The following JAK1 variants were observed in gnomAD, a reference collection of about 807,000 sequenced individuals.
The protein encoded by JAK1 is Janus kinase 1.
JAK1 carries 16 observed loss-of-function variants against 136.6 expected under a neutral mutation model. The ratio of observed to expected loss-of-function variants is 0.12; its 90% CI spans 0.08 to 0.18. The LOEUF (loss-of-function observed/expected upper bound fraction) is 0.18. Ranked by LOEUF, JAK1 falls within the 10% of genes least tolerant of loss-of-function variation. The pLI is 1.00. For synonymous variants in JAK1, 492 were observed against 519.5 expected, an observed-to-expected ratio of 0.95 and a Z score of 0.72; for missense variants, 859 against 1,450.1, an observed-to-expected ratio of 0.59 and a Z score of 6.62.
intron 8 of JAK1, among the ~76,000 whole-genome samples, chr1:64,862,806 G>A (rs1359409431): frequency 6.6e-6 from 1 of 152,244 alleles, no homozygotes; most frequent in Non-Finnish European, 1.5e-5. Flanking sequence ...AAAATGCACA[G>A]GCAGGAACCA....
intron 1 of JAK1, among the ~76,000 whole-genome samples, chr1:65,061,484 C>T (rs987839819): frequency 9.9e-5 from 15 of 152,168 alleles, no homozygotes; most frequent in African/African-American, 3.6e-4. Flanking sequence ...TGTTTTAAAC[C>T]TTTGAATATC....
intron 1 of JAK1, among the ~76,000 whole-genome samples, chr1:64,911,524 A>G (rs2100282185): frequency 6.6e-6 from 1 of 152,356 alleles, no homozygotes; most frequent in East Asian, 1.9e-4. Context: ...ATGTAAATAC[A>G]TGCCAAAAAG....
intron 2 of JAK1, chr1:64,985,615 C>A (rs1323574632): frequency 1.2e-6 from 1 of 864,242 alleles, no homozygotes; most frequent in East Asian, 2.5e-5. Flanking sequence ...ACAACAATGC[C>A]CAGCTGGTTG....
intron 2 of JAK1, among the ~76,000 whole-genome samples, chr1:64,986,326 C>G (rs771647119): frequency 1.3e-4 from 20 of 152,084 alleles, no homozygotes; most frequent in Non-Finnish European, 1.9e-4. Flanking sequence ...AGGCTGGTCT[C>G]GAACTCCTGA....
chr1:64,873,840 G>A (rs1033997539), intron 4 of JAK1, among the ~76,000 whole-genome samples: 2 of 152,178 alleles, frequency 1.3e-5, no homozygotes, highest in Non-Finnish European at 2.9e-5. Flanking sequence ...GCTGACCACA[G>A]CTCCCTGCAC....
intron 1 of JAK1, among the ~76,000 whole-genome samples, chr1:65,048,865 G>A (rs1182640520): frequency 2.0e-5 from 3 of 152,074 alleles, no homozygotes; most frequent in African/African-American, 4.8e-5. Flanking sequence ...GCAGCTGTAC[G>A]AGGAAGGGTT....
At chr1:64,960,635 T>C (rs1410511424) in intron 1 of JAK1, among the ~76,000 whole-genome samples, 1 of 152,178 alleles carries the variant, frequency 6.6e-6, no homozygotes, top group Non-Finnish European at 1.5e-5. Context: ...CACTCTTAAG[T>C]AATCTTCCCT....
At chr1:65,060,225 A>AACAAAGAT (rs373150619) in intron 1 of JAK1, among the ~76,000 whole-genome samples, 1,774 of 152,266 alleles carry the variant, frequency 0.012, 30 homozygotes, top group African/African-American at 0.04. Flanking sequence ...CTGCTACGTG[A>AACAAAGAT]ACAAAGATAC....
intron 1 of JAK1, among the ~76,000 whole-genome samples, chr1:64,917,625 G>C (rs922905869): frequency 5.3e-5 from 8 of 152,090 alleles, no homozygotes; most frequent in African/African-American, 1.9e-4. Context: ...ATTCCTAATG[G>C]AATTTGGTTT....
chr1:64,883,532 G>A, intron 2 of JAK1, 57 bp from the exon 3 acceptor site: 2 of 1,453,998 alleles, frequency 1.4e-6, no homozygotes, highest in Admixed American at 3.5e-5. Flanking sequence ...AAGTTCTTAT[G>A]GCAAAAGGGA....
intron 1 of JAK1, among the ~76,000 whole-genome samples, chr1:64,909,723 C>A (rs1645250483): frequency 6.6e-6 from 1 of 151,742 alleles, no homozygotes; most frequent in Non-Finnish European, 1.5e-5. Flanking sequence ...ACTTGGGAGG[C>A]TGAAGTGGGA....
intron 1 of JAK1, among the ~76,000 whole-genome samples, chr1:64,932,710 G>T (rs144381472): frequency 0.018 from 2,713 of 152,088 alleles, 77 homozygotes; most frequent in African/African-American, 0.061. Flanking sequence ...TAACGCTATG[G>T]TTTGTTTTTT....
chr1:64,957,363 T>C (rs948568679), intron 1 of JAK1, among the ~76,000 whole-genome samples: 4 of 152,224 alleles, frequency 2.6e-5, no homozygotes, highest in African/African-American at 9.6e-5. Flanking sequence ...ACCAGGTTCC[T>C]TCCTGCCTCA....
chr1:64,981,803 A>G (rs934423589), intron 2 of JAK1, among the ~76,000 whole-genome samples: 1 of 152,216 alleles, frequency 6.6e-6, no homozygotes, highest in Non-Finnish European at 1.5e-5. Flanking sequence ...TGAAGTTTTA[A>G]CAGGGCACAC....
intron 2 of JAK1, among the ~76,000 whole-genome samples, chr1:65,026,048 C>G (rs553185071): frequency 1.3e-5 from 2 of 152,190 alleles, no homozygotes; most frequent in East Asian, 3.9e-4. Context: ...TAGGTTGGTT[C>G]TAGAAATATA....
intron 3 of JAK1, among the ~76,000 whole-genome samples, chr1:64,880,136 C>G (rs1644747094): frequency 6.6e-6 from 1 of 152,146 alleles, no homozygotes; most frequent in African/African-American, 2.4e-5. Context: ...CCAGCACACC[C>G]AGGCGGGGAC....
intron 1 of JAK1, among the ~76,000 whole-genome samples, chr1:64,905,545 G>A (rs1246705797): frequency 6.6e-6 from 1 of 152,120 alleles, no homozygotes; most frequent in East Asian, 1.9e-4. Flanking sequence ...ATATTGTACA[G>A]TAGGCCCCCT....
intron 1 of JAK1, among the ~76,000 whole-genome samples, chr1:64,916,205 TAC>T (rs760868595): frequency 5.3e-5 from 8 of 152,090 alleles, no homozygotes; most frequent in Admixed American, 3.3e-4. Flanking sequence ...GAGAAAACAT[TAC>T]ACAGAGAGAA....
At chr1:65,034,141 C>T (rs966827325) in intron 2 of JAK1, among the ~76,000 whole-genome samples, 2 of 152,190 alleles carry the variant, frequency 1.3e-5, no homozygotes, top group African/African-American at 2.4e-5. Flanking sequence ...GTAAGTACAA[C>T]GTGGGTAGAG....
Sources: allele counts gnomAD v4.1 joint callset (sites outside exome capture counted in the v4.1 genomes callset), GRCh38; gene constraint gnomAD v4.1.1; transcripts MANE v1.5; gene names NCBI Gene and HGNC (gene_info 2026-07-23, HGNC 2026-07-21).